Variants in NPRL3 observed in about 807,000 individuals in gnomAD.
The protein encoded by NPRL3 is NPR3 like, GATOR1 complex subunit, also known as GATOR1 complex protein NPRL3.
In NPRL3, 23 loss-of-function variants were observed where a neutral mutation model predicts 57.2. The observed-to-expected ratio is 0.40, with a 90% confidence interval of 0.29 to 0.57. The LOEUF is 0.57. Ranked by LOEUF, NPRL3 falls within the 20% of genes least tolerant of loss-of-function variation. NPRL3 has a pLI of 0.42. For synonymous variants in NPRL3, 333 were observed against 321.1 expected, an observed-to-expected ratio of 1.04 and a Z score of -0.39; for missense variants, 691 against 767.1, an observed-to-expected ratio of 0.90 and a Z score of 1.17.
chr16:99,982 A>G (rs1899205444), intron 8 of NPRL3, among the ~76,000 whole-genome samples: 1 of 133,214 alleles, frequency 7.5e-6, no homozygotes, highest in Non-Finnish European at 1.5e-5. Context: ...AAAAAAGAAA[A>G]AGAAAAAAAA....
At chr16:89,135 A>T (rs1308093999) in intron 12 of NPRL3, 1 of 529,698 alleles carries the variant, frequency 1.9e-6, no homozygotes, top group Non-Finnish European at 3.4e-6. Flanking sequence ...CAGAGGTGCG[A>T]TGTGTGCCCC....
Position 106,518 on chromosome 16 carries a change from C to T in NPRL3, c.629+4007G>A, listed in dbSNP as rs1234463525. On this transcript the variant is annotated intron_variant, in intron 7 of 13. Transcript: ENST00000611875. ...GCGTGGGGGCGGGTGCCTATAGTCCCAGCTACTCGGGAGGCCGAGATGGAA... is the reference window on the plus strand; with the variant it reads ...GCGTGGGGGCGGGTGCCTATAGTCCTAGCTACTCGGGAGGCCGAGATGGAA... Among the ~76,000 whole-genome samples, 7 of 151,166 alleles carry T rather than the reference C, an allele frequency of 4.6e-5. No homozygotes were observed. The Admixed American group carries it at 4.6e-4, about 10-fold the overall frequency.
intron 5 of NPRL3, 113 bp from the exon 6 acceptor site, chr16:112,888 G>A: frequency 9.7e-7 from 1 of 1,033,488 alleles, no homozygotes; most frequent in Non-Finnish European, 1.3e-6. Flanking sequence ...ATGAAAGAAA[G>A]CGTCTCTACT....
In NPRL3 at chr16:130,554, G is replaced by T; in HGVS notation, c.156C>A (p.Gly52=). 1 of 1,554,818 alleles carries T rather than the reference G, an allele frequency of 6.4e-7. No homozygotes were observed. The highest frequency in any genetic ancestry group is 8.7e-7 in the Non-Finnish European group (1 of 1,148,912). The stretch of plus-strand genomic sequence containing the variant: ...CGCCGTCCTGCTCATCAGCATGGTC[G>T]CCCGTGTTGCTGGCAGCGTATCTGC... ...PRSRYAASNT[G]DHADEQDGDS... Residue 52 remains glycine (G), a synonymous_variant, in exon 3 of 14, where the codon GGC becomes GGA. Coordinates refer to ENST00000611875, the MANE Select transcript of NPRL3 (RefSeq NM_001077350.3).
At chr16:128,020 C>G (rs1900621818) in intron 3 of NPRL3, among the ~76,000 whole-genome samples, 1 of 144,988 alleles carries the variant, frequency 6.9e-6, no homozygotes, top group East Asian at 2.0e-4. Flanking sequence ...GAGACAGACT[C>G]TCGTTCTGTT....
rs2562174 is a variant in NPRL3, at chr16:98,532, G to T, written c.768-231C>A. On this transcript the variant is annotated intron_variant, in intron 8 of 13. Transcript: ENST00000611875. The stretch of plus-strand genomic sequence containing the variant: ...CTGCACGAGGTCCTGCACCGGGTGT[G>T]CATCAGGTATGCACCTGGGACACAA... Among the ~76,000 whole-genome samples, 7,532 of 151,824 alleles carry T rather than the reference G, an allele frequency of 0.05. 243 individuals are homozygous for T. Among genetic ancestry groups the T allele is most frequent in the African/African-American group, 0.1 (4,145 of 41,142 alleles).
At chr16:103,290 G>A (rs1348211635) in intron 7 of NPRL3, among the ~76,000 whole-genome samples, 1 of 16 alleles carries the variant, frequency 0.062, no homozygotes. Context: ...CATCACGCCT[G>A]GGGTGATTTT....
intron 7 of NPRL3, among the ~76,000 whole-genome samples, chr16:107,437 A>G (rs1567137520): frequency 1.3e-5 from 2 of 152,104 alleles, no homozygotes; most frequent in Non-Finnish European, 2.9e-5. Context: ...CAAGGTCAGG[A>G]GTTCGAGACC....
At chr16:93,112 C>A (rs1448598645) in intron 10 of NPRL3, 107 bp downstream of exon 10, 1 of 780,808 alleles carries the variant, frequency 1.3e-6, no homozygotes, top group African/African-American at 1.7e-5. Flanking sequence ...TTGGGGCTTC[C>A]ACAGCCTTTG....
At chr16:108,561 C>T (rs966728797) in intron 7 of NPRL3, among the ~76,000 whole-genome samples, 1 of 152,106 alleles carries the variant, frequency 6.6e-6, no homozygotes, top group African/African-American at 2.4e-5. Flanking sequence ...CACTGGAAGG[C>T]TGGAACAAAC....
intron 13 of NPRL3, 66 bp from the exon 14 acceptor site, chr16:86,936 C>T (rs2141895314): frequency 6.7e-7 from 1 of 1,497,182 alleles, no homozygotes; most frequent in Middle Eastern, 2.1e-4. Context: ...GCTGAAGAGC[C>T]ACTGCTGGGA....
intron 11 of NPRL3, chr16:90,331 A>G (rs1898710854): frequency 1.1e-5 from 2 of 186,546 alleles, no homozygotes; most frequent in Non-Finnish European, 2.2e-5. Flanking sequence ...ACAAGCCCAG[A>G]CACTGTTTAA....
intron 3 of NPRL3, among the ~76,000 whole-genome samples, chr16:129,387 C>T (rs1480060378): frequency 6.6e-6 from 1 of 152,174 alleles, no homozygotes; most frequent in East Asian, 1.9e-4. Context: ...CAGGCCTCTA[C>T]ATCAAAATGA....
Position 92,641 on chromosome 16 carries a change from G to T in NPRL3, c.1116C>A (p.Val372=). ...GGGGATTCCTAAATTCTGACAAGGAGACCGGCAAGGAGAACTTGGCAAGAA... is the reference window on the plus strand; with the variant it reads ...GGGGATTCCTAAATTCTGACAAGGATACCGGCAAGGAGAACTTGGCAAGAA... The part of the protein sequence containing the change: ...PSVLAKFSLP[V]SLSEFRNPLA... Residue 372 remains valine (V), a synonymous_variant, in exon 11 of 14, where the codon GTC becomes GTA. Coordinates refer to ENST00000611875, the MANE Select transcript of NPRL3 (RefSeq NM_001077350.3). 1 of 1,613,784 alleles carries T rather than the reference G, an allele frequency of 6.2e-7. No homozygotes were observed. Among genetic ancestry groups the T allele is most frequent in the Non-Finnish European group, 8.5e-7 (1 of 1,179,792 alleles).
intron 9 of NPRL3, 74 bp from the exon 10 acceptor site, chr16:93,399 T>A (rs1898849314): frequency 1.1e-6 from 1 of 943,256 alleles, no homozygotes; most frequent in African/African-American, 1.6e-5. Flanking sequence ...GCTCTCAGCC[T>A]GGGTGGCCAT....
rs767593326 is a variant in NPRL3 at position 138,313 on chromosome 16, CGG to C, written c.-48_-47del. ...GGGGGCGGAGGGGGCCAGAGGAGGA[CGG>C]AGCCGGAGGCGGAGGGGGCCTGAGG... On this transcript the variant is annotated 5_prime_UTR_variant, in exon 2 of 14. Transcript: ENST00000611875. 5 of 919,310 alleles carry C rather than the reference CGG, an allele frequency of 5.4e-6. No homozygotes were observed. The South Asian group carries it at 1.3e-4, about 25-fold the overall frequency. 56.9% of individuals were successfully genotyped at this position (919,310 alleles called of 1,614,324 possible). A position where few individuals can be genotyped will look rare whatever the true frequency, so the allele number is the denominator to read the frequency against.
intron 3 of NPRL3, chr16:127,162 G>A (rs1900557280): frequency 6.6e-6 from 1 of 152,332 alleles, no homozygotes; most frequent in Non-Finnish European, 1.5e-5. Context: ...ATGGGCCAAT[G>A]CGCCCAGCCC....
At chr16:125,850 A>T (rs1401619167) in intron 3 of NPRL3, 1 of 152,160 alleles carries the variant, frequency 6.6e-6, no homozygotes, top group Non-Finnish European at 1.5e-5. Flanking sequence ...GTAGGGCTCT[A>T]AAAACACAAG....
At chr16:107,567 C>T (rs1899589545) in intron 7 of NPRL3, among the ~76,000 whole-genome samples, 2 of 144,348 alleles carry the variant, frequency 1.4e-5, no homozygotes, top group South Asian at 4.4e-4. Context: ...TGCACTCCAG[C>T]CTGGGCAACA....
Sources: gnomAD v4.1 joint callset for allele counts (sites outside exome capture counted in the v4.1 genomes callset) on GRCh38, gnomAD v4.1.1 for gene constraint, MANE v1.5 for transcripts, NCBI Gene and HGNC (gene_info 2026-07-23, HGNC 2026-07-21) for gene names.